Variants in RAB28 observed in about 807,000 individuals in gnomAD.
RAB28 encodes RAB28, member RAS oncogene family.
RAB28 carries 24 observed loss-of-function variants against 31.7 expected under a neutral mutation model. The observed-to-expected ratio is 0.76, with a 90% CI of 0.55 to 1.06. The LOEUF (loss-of-function observed/expected upper bound fraction) is 1.06, where lower values mean the gene tolerates loss of function less well. Ranked by LOEUF, RAB28 falls within the 50% of genes least tolerant of loss-of-function variation. The probability of loss-of-function intolerance (pLI) is 0.00; values close to 1 mark genes in which losing one functional copy is unlikely to be tolerated. For missense variants in RAB28, 254 were observed against 258.5 expected (o/e 0.98, Z 0.12); for synonymous variants, 100 against 90.4 (o/e 1.11, Z -0.60).
intron 4 of RAB28, among the ~76,000 whole-genome samples, chr4:13,457,069 A>AT (rs1330019010): frequency 1.3e-5 from 2 of 152,152 alleles, no homozygotes; most frequent in Non-Finnish European, 2.9e-5. Flanking sequence ...CAGCCTACAC[A>AT]TTTCTTTTCA....
At chr4:13,422,735 C>T (rs980495351) in intron 4 of RAB28, among the ~76,000 whole-genome samples, 3 of 151,180 alleles carry the variant, frequency 2.0e-5, no homozygotes, top group Non-Finnish European at 2.9e-5. Flanking sequence ...GAACATTACA[C>T]ACAGGGGCCT....
chr4:13,424,283 C>G (rs1157433444), intron 4 of RAB28, among the ~76,000 whole-genome samples: 1 of 152,206 alleles, frequency 6.6e-6, no homozygotes, highest in African/African-American at 2.4e-5. Flanking sequence ...CAAGTGCCAT[C>G]TGAAGGCTCT....
chr4:13,425,173 A>G (rs1296351145), intron 4 of RAB28, among the ~76,000 whole-genome samples: 3 of 152,204 alleles, frequency 2.0e-5, no homozygotes, highest in Non-Finnish European at 4.4e-5. Flanking sequence ...TCTGGATTCC[A>G]GAGTTACACA....
intron 4 of RAB28, among the ~76,000 whole-genome samples, chr4:13,395,778 T>C (rs1729851119): frequency 6.6e-6 from 1 of 152,076 alleles, no homozygotes; most frequent in South Asian, 2.1e-4. Flanking sequence ...CTAAATGTTA[T>C]GAAGTTTTAA....
chr4:13,376,258 G>C (rs1728917819), intron 6 of RAB28, among the ~76,000 whole-genome samples: 1 of 152,088 alleles, frequency 6.6e-6, no homozygotes, highest in African/African-American at 2.4e-5. Flanking sequence ...GCCAAACAAT[G>C]TGGTCAGCAC....
At chr4:13,408,269 T>C (rs1244156396) in intron 4 of RAB28, among the ~76,000 whole-genome samples, 1 of 152,200 alleles carries the variant, frequency 6.6e-6, no homozygotes, top group African/African-American at 2.4e-5. Flanking sequence ...ATTGAGATAA[T>C]CATGTGGTTT....
intron 4 of RAB28, among the ~76,000 whole-genome samples, chr4:13,454,848 G>C (rs1015044384): frequency 1.3e-5 from 2 of 152,206 alleles, no homozygotes; most frequent in Non-Finnish European, 2.9e-5. Context: ...CCAGTACATG[G>C]CTACACAGCT....
At chr4:13,428,847 A>G (rs543954615) in intron 4 of RAB28, among the ~76,000 whole-genome samples, 1 of 152,192 alleles carries the variant, frequency 6.6e-6, no homozygotes, top group Non-Finnish European at 1.5e-5. Context: ...ACCTACATAT[A>G]TCATAATAAC....
At position 13,370,893 on chromosome 4, in the gene RAB28, T is replaced by C. The variant is rs552144056; in HGVS notation, c.574-2243A>G. 9 of 957,214 alleles carry C rather than the reference T, an allele frequency of 9.4e-6. No homozygotes were observed. The East Asian group carries it at 5.8e-4, about 61-fold the overall frequency. The allele number at this position is 957,214 out of a possible 1,614,324, so 59.3% of individuals were successfully genotyped here. ...ACCTTGTTATATTCTTAATTGCTGC[T>C]ACCCTTAGGATAAAAAGACCATATG... On this transcript the variant is annotated intron_variant, in intron 6 of 6. Coordinates refer to ENST00000330852, the MANE Select transcript of RAB28 (RefSeq NM_001017979.3).
At chr4:13,480,187 A>G (rs1050534150) in intron 1 of RAB28, among the ~76,000 whole-genome samples, 1 of 151,792 alleles carries the variant, frequency 6.6e-6, no homozygotes, top group African/African-American at 2.4e-5. Context: ...TATCATAACC[A>G]GAACAGATAT....
chr4:13,471,862 T>C (rs1478571890), intron 3 of RAB28, among the ~76,000 whole-genome samples: 2 of 152,056 alleles, frequency 1.3e-5, no homozygotes, highest in African/African-American at 4.8e-5. Flanking sequence ...AAGAAGTCGA[T>C]ATGTACCTTC....
chr4:13,385,702 C>A (rs1170230620), intron 4 of RAB28, among the ~76,000 whole-genome samples: 1 of 152,148 alleles, frequency 6.6e-6, no homozygotes, highest in Non-Finnish European at 1.5e-5. Flanking sequence ...AAAGGAAAGA[C>A]CACTATCAAC....
intron 4 of RAB28, among the ~76,000 whole-genome samples, chr4:13,429,541 A>G (rs1025295919): frequency 2.6e-5 from 4 of 152,168 alleles, no homozygotes; most frequent in African/African-American, 9.7e-5. Flanking sequence ...ACTTTACAAC[A>G]GAATTAAAAA....
At chr4:13,409,647 G>T (rs750102033) in intron 4 of RAB28, among the ~76,000 whole-genome samples, 1 of 152,184 alleles carries the variant, frequency 6.6e-6, no homozygotes, top group Non-Finnish European at 1.5e-5. Flanking sequence ...CAAGGAGTGA[G>T]AGCTACTACC....
At position 13,381,492 on chromosome 4, in the gene RAB28, G is replaced by C. The variant is rs962293137; in HGVS notation, c.494C>G (p.Ser165Cys). The change falls in exon 5 of 7, where the codon TCT (serine) becomes TGT (cysteine). Residue 165 changes from serine (S) to cysteine (C), a missense_variant and splice_region_variant. Transcript: ENST00000330852. ...SHFVSAKTGD[S>C]VFLCFQKVAA... ...TACAGTATTCATTATTTTACTTACA[G>C]AGTCTCCTGTCTTGGCTGAGACAAA... is the stretch of plus-strand genomic sequence containing the variant. 1.9e-6 allele frequency: 3 copies of C among 1,595,126 alleles called. No individual in the cohort carries two copies. The highest frequency in any genetic ancestry group is 1.7e-5 in the Admixed American group (1 of 59,604).
At chr4:13,395,640 G>C (rs911791213) in intron 4 of RAB28, among the ~76,000 whole-genome samples, 1 of 140,492 alleles carries the variant, frequency 7.1e-6, no homozygotes, top group South Asian at 2.1e-4. Flanking sequence ...GGGAGAGAAC[G>C]AACAGTCTTA....
At chr4:13,391,822 G>A (rs1036679085) in intron 4 of RAB28, among the ~76,000 whole-genome samples, 12 of 151,696 alleles carry the variant, frequency 7.9e-5, no homozygotes, top group African/African-American at 2.7e-4. Context: ...ACTGAACACC[G>A]CATGTTCTCA....
intron 3 of RAB28, among the ~76,000 whole-genome samples, chr4:13,471,124 T>A (rs1440308481): frequency 6.6e-6 from 1 of 152,040 alleles, no homozygotes; most frequent in African/African-American, 2.4e-5. Context: ...ACTGATATCC[T>A]GAAAAAGCTT....
chr4:13,415,569 C>T (rs1712719122), intron 4 of RAB28, among the ~76,000 whole-genome samples: 1 of 152,134 alleles, frequency 6.6e-6, no homozygotes, highest in Non-Finnish European at 1.5e-5. Context: ...GCTGGGTCCC[C>T]CAGCAGTGCC....
Sources: allele counts gnomAD v4.1 joint callset (sites outside exome capture counted in the v4.1 genomes callset), GRCh38; gene constraint gnomAD v4.1.1; transcripts MANE v1.5; gene names NCBI Gene and HGNC (gene_info 2026-07-23, HGNC 2026-07-21).